The following MRPS33 variants were observed in gnomAD, a reference collection of about 807,000 sequenced individuals.
MRPS33 encodes the protein mitochondrial ribosomal protein S33.
Under a neutral mutation model 11.2 loss-of-function variants are expected in MRPS33, and 11 were observed. The ratio of observed to expected loss-of-function variants is 0.99; its 90% CI spans 0.62 to 1.63. MRPS33 has a LOEUF of 1.63. MRPS33 is among the 40% of genes most tolerant of loss of function. The probability of loss-of-function intolerance (pLI) is 0.00; values close to 1 mark genes in which losing one functional copy is unlikely to be tolerated. For synonymous variants in MRPS33, 46 were observed against 44.0 expected (o/e 1.05, Z -0.18); for missense variants, 109 against 127.8 (o/e 0.85, Z 0.71).
intron 2 of MRPS33, among the ~76,000 whole-genome samples, chr7:141,007,573 C>T (rs1235427227): frequency 6.6e-6 from 1 of 152,222 alleles, no homozygotes; most frequent in African/African-American, 2.4e-5. Flanking sequence ...ATTGTCCTTA[C>T]TATGGCTTCA....
chr7:141,010,540 T>C lies in MRPS33; in HGVS notation c.94A>G (p.Lys32Glu). ...VTRPTNSKSM[K>E]VVKLFSELPL... ...AGTTCACTAAACAGTTTCACCACTT[T>C]CATAGACTTGGAATTAGTAGGCCTG... Residue 32 changes from lysine (K) to glutamate (E), a missense_variant, in exon 2 of 3, where the codon AAA becomes GAA. Lys to Glu is a moderately conservative substitution (Grantham distance 56). Transcript: ENST00000324787. 2 of 1,614,192 alleles carry C rather than the reference T, an allele frequency of 1.2e-6. No individual in the cohort carries two copies. Among genetic ancestry groups the C allele is most frequent in the Non-Finnish European group, 1.7e-6 (2 of 1,180,028 alleles).
intron 2 of MRPS33, among the ~76,000 whole-genome samples, chr7:141,007,727 C>T (rs1449204040): frequency 6.6e-6 from 1 of 152,136 alleles, no homozygotes; most frequent in Admixed American, 6.5e-5. Flanking sequence ...TTGGCTCACT[C>T]ACCACCTTCA....
chr7:141,004,024 G>C lies in MRPS33; in HGVS notation c.*2406C>G, dbSNP rs1296368559. On this transcript the variant is annotated 3_prime_UTR_variant, in exon 3 of 3. Coordinates refer to ENST00000324787, the MANE Select transcript of MRPS33 (RefSeq NM_053035.3). ...TCAGTAAAAAGTTCTAAATGGGCTG[G>C]GTGTGGTGGCTCATGCCTGTAATTC... 6.6e-6 allele frequency: 1 copy of C among 152,310 alleles called. No homozygotes were observed. The highest frequency in any genetic ancestry group is 1.5e-5 in the Non-Finnish European group (1 of 68,100). The allele number at this position is 152,310 out of a possible 1,614,324, so 9.4% of individuals were successfully genotyped here.
intron 2 of MRPS33, among the ~76,000 whole-genome samples, chr7:141,007,378 T>C (rs1820558565): frequency 6.6e-6 from 1 of 152,042 alleles, no homozygotes; most frequent in Non-Finnish European, 1.5e-5. Flanking sequence ...TGAGCTTAAG[T>C]TTTAACTCTC....
In MRPS33 at chr7:141,010,584, C is replaced by T. The variant is rs779139791; in HGVS notation, c.50G>A (p.Arg17Gln). ...AGGCCTGGTGACTTCACCAAATAGCCGGGCACTGAGACGAGACATGCGGAA... is the reference window on the plus strand; with the variant it reads ...AGGCCTGGTGACTTCACCAAATAGCTGGGCACTGAGACGAGACATGCGGAA... The part of the protein sequence containing the change: ...YAFRMSRLSA[R>Q]LFGEVTRPTN... The change falls in exon 2 of 3, where the codon CGG becomes CAG. Residue 17 changes from arginine to glutamine, a missense_variant. Coordinates refer to ENST00000324787, the MANE Select transcript of MRPS33 (RefSeq NM_053035.3). The T allele has an allele frequency of 5.0e-5, 80 of 1,614,038 alleles. No homozygotes were observed. The highest frequency in any genetic ancestry group is 1.6e-4 in the South Asian group (15 of 91,092).
chr7:141,010,267 G>T, intron 2 of MRPS33, 152 bp downstream of exon 2: 12 of 655,396 alleles, frequency 1.8e-5, no homozygotes, highest in East Asian at 5.7e-5. Context: ...TGGGTATTTT[G>T]AAAGAAGACT....
intron 1 of MRPS33, 50 bp from the exon 2 acceptor site, chr7:141,010,710 G>C: frequency 7.3e-7 from 1 of 1,364,118 alleles, no homozygotes; most frequent in South Asian, 1.2e-5. Context: ...GAAATTCCAA[G>C]ATTAGCTAAT....
chr7:141,005,362 A>AT lies in MRPS33; in HGVS notation c.*1067dup, dbSNP rs943897029. ...TTCTTCAAGGTTCAGCTTAAATATC[A>AT]TTTTTTTTTTGAGATGTAGTCTTGC... On this transcript the variant is annotated 3_prime_UTR_variant, in exon 3 of 3. Coordinates refer to ENST00000324787, the MANE Select transcript of MRPS33 (RefSeq NM_053035.3). The AT allele has an allele frequency of 5.3e-3, 794 of 149,282 alleles. 10 individuals carry two copies. The highest frequency in any genetic ancestry group is 0.018 in the African/African-American group (726 of 40,692). 9.2% of individuals were successfully genotyped at this position (149,282 alleles called of 1,614,324 possible).
At position 141,005,208 on chromosome 7, in the gene MRPS33, T is replaced by TA. The variant is rs1182119987; in HGVS notation, c.*1221dup. ...CTTCATGATCTGGCCTCTGTTTTCT[T>TA]ACAGCCAACCATGAACAAACTCAGT... On this transcript the variant is annotated 3_prime_UTR_variant, in exon 3 of 3. Coordinates refer to ENST00000324787, the MANE Select transcript of MRPS33 (RefSeq NM_053035.3). 3.3e-5 allele frequency: 5 copies of TA among 152,258 alleles called. No individual in the cohort carries two copies. Among genetic ancestry groups the TA allele is most frequent in the African/African-American group, 1.2e-4 (5 of 41,466 alleles). 9.4% of individuals were successfully genotyped at this position (152,258 alleles called of 1,614,324 possible). A position where few individuals can be genotyped will look rare whatever the true frequency, so the allele number is the denominator to read the frequency against.
intron 2 of MRPS33, among the ~76,000 whole-genome samples, chr7:141,009,436 CTT>C (rs61410427): frequency 0.86 from 129,366 of 149,992 alleles, 55,820 homozygotes; most frequent in East Asian, 0.98. Context: ...CTGGCCTGAT[CTT>C]TTTTTTTTTT....
At chr7:141,012,232 C>T (rs1057311345) in intron 1 of MRPS33, among the ~76,000 whole-genome samples, 4 of 144,740 alleles carry the variant, frequency 2.8e-5, no homozygotes, top group African/African-American at 1.0e-4. Flanking sequence ...ACCTCAAAAC[C>T]ATTCAGAACA....
chr7:141,013,020 A>G (rs1820714754), intron 1 of MRPS33, among the ~76,000 whole-genome samples: 1 of 152,236 alleles, frequency 6.6e-6, no homozygotes, highest in Non-Finnish European at 1.5e-5. Context: ...TATATTCTAC[A>G]TAGACACATT....
intron 2 of MRPS33, among the ~76,000 whole-genome samples, chr7:141,008,801 A>T (rs58919476): frequency 0.026 from 3,534 of 137,884 alleles, 124 homozygotes; most frequent in African/African-American, 0.087. Flanking sequence ...TAAAAAAATA[A>T]TTTTTTTTTT....
intron 1 of MRPS33, among the ~76,000 whole-genome samples, chr7:141,012,860 G>A (rs1050826445): frequency 6.6e-6 from 1 of 152,130 alleles, no homozygotes; most frequent in Admixed American, 6.5e-5. Flanking sequence ...TAATCCTTGG[G>A]TTATTGTGAA....
chr7:141,009,802 TG>T (rs1255943018), intron 2 of MRPS33: 5 of 148,820 alleles, frequency 3.4e-5, no homozygotes, highest in Admixed American at 2.0e-4. Flanking sequence ...TTCTCTGCAT[TG>T]TTTTTTTTTT....
At chr7:141,014,040 C>CA (rs1347223664) in intron 1 of MRPS33, among the ~76,000 whole-genome samples, 2 of 152,096 alleles carry the variant, frequency 1.3e-5, no homozygotes, top group African/African-American at 4.8e-5. Context: ...TCCAGTTTCC[C>CA]AAAAACCATT....
At chr7:141,009,111 G>A (rs1820608575) in intron 2 of MRPS33, among the ~76,000 whole-genome samples, 1 of 151,218 alleles carries the variant, frequency 6.6e-6, no homozygotes, top group Non-Finnish European at 1.5e-5. Context: ...ATAATTTAAT[G>A]AGAAAGATCA....
chr7:141,014,713 G>A (rs1429256357), intron 1 of MRPS33, 198 bp downstream of exon 1: 3 of 152,180 alleles, frequency 2.0e-5, no homozygotes, highest in Non-Finnish European at 4.4e-5. Flanking sequence ...GGAAACGCGG[G>A]TATTCTACGT....
chr7:141,002,651 A>T lies in MRPS33; in HGVS notation c.*3779T>A, dbSNP rs566848437. On this transcript the variant is annotated 3_prime_UTR_variant, in exon 3 of 3. Transcript: ENST00000324787. Reference sequence around the variant, plus strand: ...TTTATTCTTTCTTGGAAAATGATTTATAAATACAAGCATTATGGTTATATA... The same window carrying T: ...TTTATTCTTTCTTGGAAAATGATTTTTAAATACAAGCATTATGGTTATATA... The T allele has an allele frequency of 1.6e-4, 41 of 258,516 alleles. No homozygotes were observed. In the East Asian group the frequency reaches 3.5e-3, roughly 22 times the overall value. 16.0% of individuals were successfully genotyped at this position (258,516 alleles called of 1,614,324 possible). A position where few individuals can be genotyped will look rare whatever the true frequency, so the allele number is the denominator to read the frequency against.
Sources: gnomAD v4.1 joint callset for allele counts (sites outside exome capture counted in the v4.1 genomes callset) on GRCh38, gnomAD v4.1.1 for gene constraint, MANE v1.5 for transcripts, NCBI Gene and HGNC (gene_info 2026-07-23, HGNC 2026-07-21) for gene names.